Variants in ADAMTSL1 observed in about 807,000 individuals in gnomAD.
ADAMTSL1 encodes ADAMTS-like protein 1.
A neutral mutation model predicts 201.8 loss-of-function variants in ADAMTSL1; 126 were observed. The ratio of observed to expected loss-of-function variants is 0.62; its 90% CI spans 0.54 to 0.72. The LOEUF (loss-of-function observed/expected upper bound fraction) is 0.72. Ranked by LOEUF, ADAMTSL1 falls within the 30% of genes least tolerant of loss-of-function variation. ADAMTSL1 has a pLI of 0.00. For synonymous variants in ADAMTSL1, 1,121 were observed against 903.4 expected (o/e 1.24, Z -4.32); for missense variants, 2,679 against 2,277.8 (o/e 1.18, Z -3.59).
chr9:18,680,190 T>C (rs777747662), intron 10 of ADAMTSL1, 122 bp from the exon 11 acceptor site: 7 of 1,021,132 alleles, frequency 6.9e-6, no homozygotes, highest in Non-Finnish European at 9.9e-6. Flanking sequence ...TTTGGTTTTC[T>C]GGACCTTAGC....
chr9:18,372,890 A>G (rs189647226), intron 2 of ADAMTSL1, among the ~76,000 whole-genome samples: 1 of 152,340 alleles, frequency 6.6e-6, no homozygotes, highest in Non-Finnish European at 1.5e-5. Context: ...AAAGCAACAA[A>G]CTATGGAATC....
chr9:18,186,842 C>G (rs1463080271), intron 2 of ADAMTSL1, among the ~76,000 whole-genome samples: 1 of 151,718 alleles, frequency 6.6e-6, no homozygotes, highest in Non-Finnish European at 1.5e-5. Flanking sequence ...AACACACACA[C>G]ACACACACAC....
intron 1 of ADAMTSL1, among the ~76,000 whole-genome samples, chr9:18,150,091 C>A (rs148902577): frequency 1.3e-3 from 199 of 152,004 alleles, no homozygotes; most frequent in African/African-American, 4.6e-3. Flanking sequence ...GCTTAATAGG[C>A]AATTGGGGAT....
At chr9:18,338,122 C>G (rs941491439) in intron 2 of ADAMTSL1, among the ~76,000 whole-genome samples, 2 of 152,130 alleles carry the variant, frequency 1.3e-5, no homozygotes, top group African/African-American at 4.8e-5. Context: ...CTCAGAGCTA[C>G]TTTCAGCATT....
chr9:17,964,144 C>A, intron 1 of ADAMTSL1, among the ~76,000 whole-genome samples: 1 of 152,122 alleles, frequency 6.6e-6, no homozygotes, highest in Non-Finnish European at 1.5e-5. Context: ...TAGTAACACA[C>A]TATACATAGA....
At chr9:18,850,369 C>T (rs1035029349) in intron 23 of ADAMTSL1, among the ~76,000 whole-genome samples, 9 of 152,214 alleles carry the variant, frequency 5.9e-5, no homozygotes, top group African/African-American at 2.2e-4. Context: ...CCTGAAACAG[C>T]CCTTGAGAAT....
At chr9:18,315,249 C>G (rs1319789068) in intron 2 of ADAMTSL1, among the ~76,000 whole-genome samples, 1 of 152,138 alleles carries the variant, frequency 6.6e-6, no homozygotes, top group East Asian at 1.9e-4. Context: ...GGTGCATTTA[C>G]AATCCTCCAG....
rs138257813 is a variant in ADAMTSL1 at position 18,297,736 on chromosome 9, A to G, written c.207+133755A>G. Among the ~76,000 whole-genome samples, 429 of 152,296 alleles carry G rather than the reference A, an allele frequency of 2.8e-3. 1 individual carries two copies. The highest frequency in any genetic ancestry group is 6.8e-3 in the Middle Eastern group (2 of 294). On this transcript the variant is annotated intron_variant, in intron 2 of 29. Transcript: ENST00000680146. ...CCTTGGGCTCAATTTGAAGAAAAAT[A>G]TATTAACTTGGCTCCTCTTAACTGA...
chr9:18,622,481 A>G, intron 5 of ADAMTSL1, 112 bp downstream of exon 5: 1 of 1,491,104 alleles, frequency 6.7e-7, no homozygotes, highest in Non-Finnish European at 9.2e-7. Context: ...AACGATAATG[A>G]ACCTGAAAAT....
intron 1 of ADAMTSL1, among the ~76,000 whole-genome samples, chr9:17,977,992 T>G (rs1316154075): frequency 1.3e-5 from 2 of 152,054 alleles, no homozygotes; most frequent in Non-Finnish European, 2.9e-5. Flanking sequence ...GGTGCTTCAG[T>G]GTGTTGGATA....
chr9:18,723,247 C>A (rs773569151), intron 15 of ADAMTSL1: 20 of 626,710 alleles, frequency 3.2e-5, no homozygotes, highest in Non-Finnish European at 5.1e-5. Flanking sequence ...CATTAAACAG[C>A]TACTCCTGCT....
At chr9:18,489,492 T>C (rs1293951428) in intron 1 of ADAMTSL1, among the ~76,000 whole-genome samples, 1 of 152,180 alleles carries the variant, frequency 6.6e-6, no homozygotes, top group Non-Finnish European at 1.5e-5. Context: ...TGAAGTATAA[T>C]GCACCAGCCA....
intron 2 of ADAMTSL1, among the ~76,000 whole-genome samples, chr9:18,247,144 T>G (rs949975421): frequency 1.3e-5 from 2 of 152,148 alleles, no homozygotes; most frequent in East Asian, 3.8e-4. Context: ...AATGGAGTGT[T>G]AGAGGCATGA....
At chr9:18,078,917 G>A (rs1586997191) in intron 1 of ADAMTSL1, among the ~76,000 whole-genome samples, 1 of 152,146 alleles carries the variant, frequency 6.6e-6, no homozygotes, top group Non-Finnish European at 1.5e-5. Context: ...TAGGAATTAC[G>A]GAGTAGTGGA....
At chr9:18,397,882 G>A (rs72686889) in intron 2 of ADAMTSL1, among the ~76,000 whole-genome samples, 25,654 of 152,014 alleles carry the variant, frequency 0.17, 2,380 homozygotes, top group South Asian at 0.25. Flanking sequence ...CACTGAATAA[G>A]CCTCTCTGGA....
intron 4 of ADAMTSL1, among the ~76,000 whole-genome samples, chr9:18,589,416 G>A (rs1012946549): frequency 2.6e-5 from 4 of 152,046 alleles, no homozygotes; most frequent in Non-Finnish European, 4.4e-5. Flanking sequence ...ATTTTTGTAT[G>A]TTGATTTTGC....
At chr9:18,870,110 T>C (rs7032286) in intron 23 of ADAMTSL1, among the ~76,000 whole-genome samples, 86,765 of 152,008 alleles carry the variant, frequency 0.57, 25,198 homozygotes, top group African/African-American at 0.66. Context: ...TACTGATACA[T>C]GCCATCTGTT....
chr9:18,157,201 G>A (rs866562318), intron 1 of ADAMTSL1, among the ~76,000 whole-genome samples: 21 of 152,168 alleles, frequency 1.4e-4, no homozygotes, highest in Admixed American at 6.6e-4. Context: ...CACAGTGCAT[G>A]CCCGCTGATA....
At chr9:18,737,867 A>C (rs1377393252) in intron 15 of ADAMTSL1, among the ~76,000 whole-genome samples, 1 of 152,230 alleles carries the variant, frequency 6.6e-6, no homozygotes, top group Non-Finnish European at 1.5e-5. Context: ...GAGCTCCTTT[A>C]GTGATTCGGA....
Sources: gnomAD v4.1 joint callset for allele counts (sites outside exome capture counted in the v4.1 genomes callset) on GRCh38, gnomAD v4.1.1 for gene constraint, MANE v1.5 for transcripts, NCBI Gene and HGNC (gene_info 2026-07-23, HGNC 2026-07-21) for gene names.